TM9SF4: variants seen among roughly 807,000 people sequenced by gnomAD.
The protein encoded by TM9SF4 is dinucleotide oxidase disulfide thiol exchanger 3 superfamily member 4.
In TM9SF4, 26 loss-of-function variants were observed where a neutral mutation model predicts 90.4. The observed-to-expected ratio is 0.29, with a 90% CI of 0.21 to 0.40. TM9SF4 has a LOEUF of 0.40. TM9SF4 is among the 10% of genes least tolerant of loss of function. The pLI is 1.00. For missense variants in TM9SF4, 549 were observed against 834.8 expected (o/e 0.66, Z 4.22); for synonymous variants, 293 against 315.4 (o/e 0.93, Z 0.75).
intron 16 of TM9SF4, among the ~76,000 whole-genome samples, chr20:32,160,329 G>A (rs951544196): frequency 6.6e-6 from 1 of 152,146 alleles, no homozygotes; most frequent in Non-Finnish European, 1.5e-5. Context: ...AGTTGTGTGG[G>A]GTACTCACCA....
In TM9SF4 at chr20:32,123,954, C is replaced by T. The variant is rs185759373; in HGVS notation, c.16-9059C>T. 7.6e-4 allele frequency among the ~76,000 whole-genome samples: 114 copies of T among 150,756 alleles called. 2 individuals carry two copies. The East Asian group carries it at 0.018, about 24-fold the overall frequency. ...CATAGCTCGCTGCAACCTCAAACTCCTGAACTCAAGTGATCCTCCTGCCTC... is the reference window on the plus strand; with the variant it reads ...CATAGCTCGCTGCAACCTCAAACTCTTGAACTCAAGTGATCCTCCTGCCTC... On this transcript the variant is annotated intron_variant, in intron 1 of 17. Transcript: ENST00000398022.
At chr20:32,116,451 TG>T (rs914168688) in intron 1 of TM9SF4, 27 of 152,366 alleles carry the variant, frequency 1.8e-4, no homozygotes, top group African/African-American at 5.5e-4. Flanking sequence ...GTGTCAGGGT[TG>T]AAGTCTGGTT....
intron 6 of TM9SF4, among the ~76,000 whole-genome samples, chr20:32,143,728 CTT>C (rs112570972): frequency 6.9e-6 from 1 of 145,224 alleles, no homozygotes. Context: ...GGTATTTGGA[CTT>C]TTTTTTTTTT....
chr20:32,149,681 C>T lies in TM9SF4; in HGVS notation c.1002C>T (p.Val334=). 1.2e-6 allele frequency: 2 copies of T among 1,614,222 alleles called. No individual in the cohort carries two copies. Among genetic ancestry groups the T allele is most frequent in the Admixed American group, 1.7e-5 (1 of 60,024 alleles). The change falls in exon 10 of 18, where the codon GTC becomes GTT. Residue 334 remains valine (V), a synonymous_variant. Transcript: ENST00000398022. ...ESGWKLVHGD[V]FRPPQYPMIL... is the part of the protein sequence containing the mutation. Reference sequence around the variant, plus strand: ...GGTGGAAGTTGGTGCACGGCGACGTCTTCAGGCCCCCCCAGTACCCCATGA... The same window carrying T: ...GGTGGAAGTTGGTGCACGGCGACGTTTTCAGGCCCCCCCAGTACCCCATGA...
At chr20:32,129,463 AC>A (rs1163168446) in intron 1 of TM9SF4, among the ~76,000 whole-genome samples, 1 of 152,124 alleles carries the variant, frequency 6.6e-6, no homozygotes, top group African/African-American at 2.4e-5. Flanking sequence ...ACTGCACTCC[AC>A]CCTGGACAAC....
rs2122413284 is a variant in TM9SF4, at chr20:32,143,236, A to G, written c.652+131A>G. 4.3e-6 allele frequency: 5 copies of G among 1,159,912 alleles called. 1 individual carries two copies. The East Asian group carries it at 1.4e-4, about 31-fold the overall frequency. 71.9% of individuals were successfully genotyped at this position (1,159,912 alleles called of 1,614,324 possible). A position where few individuals can be genotyped will look rare whatever the true frequency, so the allele number is the denominator to read the frequency against. The stretch of plus-strand genomic sequence containing the variant: ...TGTGGCGTGTGGGCCCAGCCAAGGT[A>G]GGATCATGGTATTCTCATTAGAGAA... On this transcript the variant is annotated intron_variant, in intron 6 of 17. Transcript: ENST00000398022.
intron 1 of TM9SF4, among the ~76,000 whole-genome samples, chr20:32,117,741 G>C (rs2046248389): frequency 2.0e-5 from 3 of 151,852 alleles, no homozygotes; most frequent in Admixed American, 2.0e-4. Flanking sequence ...GTGATGGCGT[G>C]TTAGATTACA....
At chr20:32,160,533 T>C (rs2046999554) in intron 16 of TM9SF4, among the ~76,000 whole-genome samples, 1 of 152,064 alleles carries the variant, frequency 6.6e-6, no homozygotes, top group Admixed American at 6.5e-5. Context: ...TAGCTCTGGG[T>C]CTTGGGCGGG....
At chr20:32,120,404 T>TG (rs1260216406) in intron 1 of TM9SF4, among the ~76,000 whole-genome samples, 1 of 151,272 alleles carries the variant, frequency 6.6e-6, no homozygotes, top group Non-Finnish European at 1.5e-5. Context: ...CGTTTTTTTT[T>TG]TTTTTTTTTA....
At chr20:32,146,982 CT>C (rs11476027) in intron 9 of TM9SF4, 127 bp downstream of exon 9, 105,291 of 574,830 alleles carry the variant, frequency 0.18, 1,091 homozygotes, top group African/African-American at 0.26. Flanking sequence ...GTTTAGTATA[CT>C]TTTTTTTTTT....
At chr20:32,158,727 A>G (rs546284014) in intron 15 of TM9SF4, among the ~76,000 whole-genome samples, 2 of 152,168 alleles carry the variant, frequency 1.3e-5, no homozygotes, top group East Asian at 1.9e-4. Context: ...TCACACCTGT[A>G]ATTTCAGCAC....
intron 17 of TM9SF4, among the ~76,000 whole-genome samples, chr20:32,163,005 C>A (rs1023191237): frequency 6.6e-6 from 1 of 152,020 alleles, no homozygotes; most frequent in African/African-American, 2.4e-5. Context: ...CCCAGCACTT[C>A]GGGAGGCCGA....
At chr20:32,157,675 T>A (rs1263831254) in intron 13 of TM9SF4, 119 bp from the exon 14 acceptor site, 2 of 1,312,156 alleles carry the variant, frequency 1.5e-6, no homozygotes, top group African/African-American at 2.9e-5. Context: ...GCAGGGAGTG[T>A]GCTTCTGCTG....
intron 1 of TM9SF4, among the ~76,000 whole-genome samples, chr20:32,110,441 A>G (rs1028299478): frequency 6.6e-6 from 1 of 152,144 alleles, no homozygotes; most frequent in African/African-American, 2.4e-5. Flanking sequence ...GTGCATAAGA[A>G]TCTCGAGGTG....
intron 13 of TM9SF4, among the ~76,000 whole-genome samples, 159 bp downstream of exon 13, chr20:32,155,345 C>T (rs1174636768): frequency 6.6e-6 from 1 of 152,206 alleles, no homozygotes; most frequent in Non-Finnish European, 1.5e-5. Context: ...CTGGGGTTTC[C>T]CCAGCCCTGC....
intron 1 of TM9SF4, among the ~76,000 whole-genome samples, chr20:32,124,265 T>G (rs1411362417): frequency 6.6e-6 from 1 of 152,196 alleles, no homozygotes; most frequent in African/African-American, 2.4e-5. Context: ...CTACAATGGT[T>G]TGTTAAAAGA....
chr20:32,153,992 A>G (rs1441742180), intron 12 of TM9SF4, among the ~76,000 whole-genome samples: 3 of 152,180 alleles, frequency 2.0e-5, no homozygotes, highest in Non-Finnish European at 4.4e-5. Flanking sequence ...ATTAAAAGGA[A>G]TAATGGTAGA....
chr20:32,112,097 G>A (rs1443639231), intron 1 of TM9SF4, among the ~76,000 whole-genome samples: 1 of 152,164 alleles, frequency 6.6e-6, no homozygotes, highest in African/African-American at 2.4e-5. Context: ...TTGGATTTTA[G>A]TCTAAGCACA....
chr20:32,164,303 A>G (rs1019519012), intron 17 of TM9SF4, among the ~76,000 whole-genome samples: 4 of 152,128 alleles, frequency 2.6e-5, no homozygotes, highest in Non-Finnish European at 5.9e-5. Context: ...GGATAACTTA[A>G]GTCCAAGTGT....
Sources: allele counts gnomAD v4.1 joint callset (sites outside exome capture counted in the v4.1 genomes callset), GRCh38; gene constraint gnomAD v4.1.1; transcripts MANE v1.5; gene names NCBI Gene and HGNC (gene_info 2026-07-23, HGNC 2026-07-21).